GOLIM4: variants seen among roughly 807,000 people sequenced by gnomAD.
GOLIM4 encodes golgi integral membrane protein 4.
Under a neutral mutation model 107.4 loss-of-function variants are expected in GOLIM4, and 71 were observed. That is an observed-to-expected ratio of 0.66 (90% CI 0.55 to 0.81). GOLIM4 has a LOEUF of 0.81. Among genes scored for constraint, GOLIM4 ranks in the 30% least tolerant of loss-of-function variants. The pLI, the probability that GOLIM4 is intolerant of heterozygous loss-of-function variation, is 0.00. For synonymous variants in GOLIM4, 327 were observed against 294.8 expected, an observed-to-expected ratio of 1.11 and a Z score of -1.12; for missense variants, 830 against 826.1, an observed-to-expected ratio of 1.00 and a Z score of -0.06.
At chr3:168,040,630 T>C (rs1381271176) in intron 7 of GOLIM4, among the ~76,000 whole-genome samples, 156 bp downstream of exon 7, 1 of 152,216 alleles carries the variant, frequency 6.6e-6, no homozygotes, top group Non-Finnish European at 1.5e-5. Context: ...ATCTTACTGA[T>C]TGAATTTTGA....
At chr3:168,060,179 C>T (rs1186084669) in intron 1 of GOLIM4, among the ~76,000 whole-genome samples, 1 of 151,994 alleles carries the variant, frequency 6.6e-6, no homozygotes, top group Non-Finnish European at 1.5e-5. Flanking sequence ...TAGCCTCAGC[C>T]TCCCAAGTAG....
chr3:168,050,974 T>C (rs1056816835), intron 1 of GOLIM4, among the ~76,000 whole-genome samples: 7 of 151,864 alleles, frequency 4.6e-5, no homozygotes, highest in Admixed American at 4.6e-4. Context: ...AGGTCAAGGA[T>C]AGAGGGGAAA....
chr3:168,014,308 T>A (rs1717235263), intron 14 of GOLIM4, among the ~76,000 whole-genome samples: 3 of 149,666 alleles, frequency 2.0e-5, no homozygotes, highest in Admixed American at 2.0e-4. Context: ...GATAAATTCC[T>A]CGACACATAC....
rs1231757481 is a variant in GOLIM4, at chr3:168,032,868, C to A, written c.844-16G>T. ...TTCGAGACACCTAGGCCAAGCACATCACTGGGAATGACACTCTTCCAATTT... is the reference window on the plus strand; with the variant it reads ...TTCGAGACACCTAGGCCAAGCACATAACTGGGAATGACACTCTTCCAATTT... On this transcript the variant is annotated splice_polypyrimidine_tract_variant and intron_variant, in intron 8 of 15. Transcript: ENST00000470487. 4 of 1,574,810 alleles carry A rather than the reference C, an allele frequency of 2.5e-6. No individual in the cohort carries two copies. The African/African-American group carries it at 5.4e-5, about 21-fold the overall frequency.
intron 1 of GOLIM4, among the ~76,000 whole-genome samples, chr3:168,072,034 C>T (rs529499821): frequency 8.5e-5 from 13 of 152,192 alleles, no homozygotes; most frequent in Admixed American, 2.6e-4. Flanking sequence ...CAGTCTTGGA[C>T]TCTGGATTTC....
chr3:168,092,092 T>C (rs66487674), intron 1 of GOLIM4, among the ~76,000 whole-genome samples: 13,661 of 152,300 alleles, frequency 0.09, 659 homozygotes, highest in Non-Finnish European at 0.1. Context: ...GTGATACTAA[T>C]GGGCAGTCTA....
chr3:168,014,207 T>G (rs968977533), intron 14 of GOLIM4, among the ~76,000 whole-genome samples: 2 of 150,894 alleles, frequency 1.3e-5, no homozygotes, highest in Admixed American at 1.3e-4. Flanking sequence ...ATAAAGGGGA[T>G]ATCACCACCG....
intron 14 of GOLIM4, among the ~76,000 whole-genome samples, chr3:168,019,371 A>C (rs1717554415): frequency 6.6e-6 from 1 of 152,212 alleles, no homozygotes; most frequent in East Asian, 1.9e-4. Flanking sequence ...CACGTATCAC[A>C]GTATATATAT....
chr3:168,033,606 CAAAAAAAAAAAAAAAAA>C (rs61728774), intron 8 of GOLIM4, among the ~76,000 whole-genome samples: 16 of 31,304 alleles, frequency 5.1e-4, no homozygotes, highest in South Asian at 6.7e-3. Flanking sequence ...GACTCCGTCT[CAAAAAAAAAAAAAAAAA>C]AAAAAAAAAA....
chr3:168,010,064 T>A lies in GOLIM4; in HGVS notation c.*205A>T. ...TTATTGTTTTTCTTCTTTTTCATGT[T>A]TAGCTTGAATATAAAAGAAGCTCTA... On this transcript the variant is annotated 3_prime_UTR_variant, in exon 16 of 16. Coordinates refer to ENST00000470487, the MANE Select transcript of GOLIM4 (RefSeq NM_014498.5). The A allele has an allele frequency of 2.4e-6, 1 of 408,752 alleles. No individual in the cohort carries two copies. 25.3% of individuals were successfully genotyped at this position (408,752 alleles called of 1,614,324 possible).
intron 14 of GOLIM4, among the ~76,000 whole-genome samples, chr3:168,021,031 T>C (rs1225410486): frequency 6.6e-6 from 1 of 152,242 alleles, no homozygotes; most frequent in Non-Finnish European, 1.5e-5. Context: ...ACAATGCTTC[T>C]TGTTACTCAT....
chr3:168,049,097 C>A (rs950140424), intron 1 of GOLIM4, among the ~76,000 whole-genome samples: 2 of 152,186 alleles, frequency 1.3e-5, no homozygotes, highest in African/African-American at 4.8e-5. Context: ...TATCCTCCCT[C>A]CCCACCCAGT....
chr3:168,029,215 C>G lies in GOLIM4; in HGVS notation c.1513+8G>C. ...TTAAAACATTCATCATCTAGGAAGT[C>G]TCACCACCTCCTTCCTCTCCTTGGA... On this transcript the variant is annotated splice_region_variant and intron_variant, in intron 11 of 15. Transcript: ENST00000470487. 1 of 1,544,894 alleles carries G rather than the reference C, an allele frequency of 6.5e-7. No individual in the cohort carries two copies. Among genetic ancestry groups the G allele is most frequent in the Non-Finnish European group, 8.9e-7 (1 of 1,118,472 alleles).
At chr3:168,038,110 G>T (rs1229270177) in intron 7 of GOLIM4, among the ~76,000 whole-genome samples, 1 of 152,178 alleles carries the variant, frequency 6.6e-6, no homozygotes, top group African/African-American at 2.4e-5. Flanking sequence ...AATGAAGTTT[G>T]CTTGCTAAAT....
chr3:168,043,859 C>A (rs1719158623), intron 4 of GOLIM4, among the ~76,000 whole-genome samples: 1 of 152,168 alleles, frequency 6.6e-6, no homozygotes, highest in Non-Finnish European at 1.5e-5. Context: ...GCAAAATTAT[C>A]CCTCCCTGGG....
chr3:168,018,916 T>C (rs4549319), intron 14 of GOLIM4, among the ~76,000 whole-genome samples: 31,176 of 151,284 alleles, frequency 0.21, 7,318 homozygotes, highest in African/African-American at 0.58. Flanking sequence ...AAGGGCCAGA[T>C]AGCAAATACT....
Position 168,032,532 on chromosome 3 carries a change from G to T in GOLIM4, c.1164C>A (p.His388Gln). 6.2e-7 allele frequency: 1 copy of T among 1,613,638 alleles called. No homozygotes were observed. The highest frequency in any genetic ancestry group is 1.1e-5 in the South Asian group (1 of 91,052). The change falls in exon 9 of 16, where the codon CAC becomes CAA. Residue 388 changes from histidine (H) to glutamine (Q), a missense_variant. His to Gln is a conservative substitution (Grantham distance 24). Transcript: ENST00000470487. Reference protein sequence around the residue: ...QREAANLLEGHARAEVYPSAK... With the variant: ...QREAANLLEGQARAEVYPSAK... The stretch of plus-strand genomic sequence containing the variant: ...GGTGACTTCATACCTCAGCACGCGC[G>T]TGCCCTTCCAGGAGGTTGGCTGCTT...
At chr3:168,019,269 T>C (rs1262153558) in intron 14 of GOLIM4, among the ~76,000 whole-genome samples, 1 of 152,248 alleles carries the variant, frequency 6.6e-6, no homozygotes, top group Non-Finnish European at 1.5e-5. Context: ...GTTCAAAAGC[T>C]ATTTCAATAT....
chr3:168,043,359 C>A lies in GOLIM4; in HGVS notation c.517+20G>T. 16 of 1,563,734 alleles carry A rather than the reference C, an allele frequency of 1.0e-5. No individual in the cohort carries two copies. Among genetic ancestry groups the A allele is most frequent in the Non-Finnish European group, 1.2e-5 (14 of 1,145,532 alleles). ...CAGTACTTATTTAGAGATAAACTGG[C>A]TAATCAGATTTCCAAATACCTTTTA... is the stretch of plus-strand genomic sequence containing the variant. On this transcript the variant is annotated intron_variant, in intron 5 of 15. Coordinates refer to ENST00000470487, the MANE Select transcript of GOLIM4 (RefSeq NM_014498.5).
Sources: gnomAD v4.1 joint callset for allele counts (sites outside exome capture counted in the v4.1 genomes callset) on GRCh38, gnomAD v4.1.1 for gene constraint, MANE v1.5 for transcripts, NCBI Gene and HGNC (gene_info 2026-07-23, HGNC 2026-07-21) for gene names.